Variants in PLXDC2 observed in about 807,000 individuals in gnomAD.
PLXDC2 encodes the protein plexin domain-containing protein 2.
A neutral mutation model predicts 68.9 loss-of-function variants in PLXDC2; 40 were observed. That is an observed-to-expected ratio of 0.58 (90% confidence interval 0.45 to 0.76). PLXDC2 has a LOEUF of 0.76. Ranked by LOEUF, PLXDC2 falls within the 30% of genes least tolerant of loss-of-function variation. The probability of loss-of-function intolerance (pLI) is 0.00; values close to 1 mark genes in which losing one functional copy is unlikely to be tolerated. For synonymous variants in PLXDC2, 243 were observed against 234.2 expected (o/e 1.04, Z -0.34); for missense variants, 644 against 661.9 (o/e 0.97, Z 0.30).
At chr10:20,202,234 G>C (rs1048063897) in intron 9 of PLXDC2, among the ~76,000 whole-genome samples, 1 of 152,050 alleles carries the variant, frequency 6.6e-6, no homozygotes, top group African/African-American at 2.4e-5. Flanking sequence ...GCTTCAATAC[G>C]TACACACAGA....
At chr10:20,167,843 A>G (rs1834395046) in intron 7 of PLXDC2, among the ~76,000 whole-genome samples, 1 of 152,184 alleles carries the variant, frequency 6.6e-6, no homozygotes, top group Non-Finnish European at 1.5e-5. Flanking sequence ...AAGATTTGGT[A>G]AAGCATTCAA....
intron 1 of PLXDC2, among the ~76,000 whole-genome samples, chr10:19,946,759 T>C (rs1378754828): frequency 5.3e-5 from 8 of 152,242 alleles, no homozygotes; most frequent in Admixed American, 5.2e-4. Flanking sequence ...CATCAGGCAT[T>C]AGATTCTCCT....
chr10:20,162,909 C>CCA (rs1834324385), intron 6 of PLXDC2, among the ~76,000 whole-genome samples: 1 of 98,058 alleles, frequency 1.0e-5, no homozygotes, highest in African/African-American at 4.1e-5. Context: ...ACTAAAAATA[C>CCA]AAAAAAAAAA....
rs116476038 is a variant in PLXDC2 at position 19,843,517 on chromosome 10, A to G, written c.112+26326A>G. On this transcript the variant is annotated intron_variant, in intron 1 of 13. Coordinates refer to ENST00000377252, the MANE Select transcript of PLXDC2 (RefSeq NM_032812.9). ...AGAGACAGAAAAATAAACATTAGAA[A>G]ATAAGAGAAGTGAGAAATGTACAGG... is the stretch of plus-strand genomic sequence containing the variant. 7.5e-3 allele frequency among the ~76,000 whole-genome samples: 1,146 copies of G among 152,302 alleles called. 10 individuals carry two copies. Among genetic ancestry groups the G allele is most frequent in the East Asian group, 0.04 (209 of 5,192 alleles).
intron 1 of PLXDC2, among the ~76,000 whole-genome samples, chr10:19,892,776 T>C (rs1444084627): frequency 6.6e-6 from 1 of 152,194 alleles, no homozygotes; most frequent in Non-Finnish European, 1.5e-5. Context: ...TGTTTTGATG[T>C]TCTCTGCTGG....
chr10:19,865,984 TCA>T (rs994696495), intron 1 of PLXDC2, among the ~76,000 whole-genome samples: 2 of 152,144 alleles, frequency 1.3e-5, no homozygotes, highest in Non-Finnish European at 1.5e-5. Context: ...CTTCACAAAT[TCA>T]CACTTTCCCC....
intron 4 of PLXDC2, among the ~76,000 whole-genome samples, chr10:20,103,157 C>T (rs1315506184): frequency 1.3e-5 from 2 of 152,028 alleles, no homozygotes; most frequent in Non-Finnish European, 2.9e-5. Flanking sequence ...TAAGGACCCA[C>T]AATACTTTTA....
intron 4 of PLXDC2, among the ~76,000 whole-genome samples, chr10:20,075,529 C>G (rs1836426856): frequency 6.6e-6 from 1 of 152,162 alleles, no homozygotes; most frequent in African/African-American, 2.4e-5. Context: ...TTCACAACCA[C>G]TTGTTTCTCC....
At chr10:19,903,862 G>C (rs1838200157) in intron 1 of PLXDC2, among the ~76,000 whole-genome samples, 1 of 151,906 alleles carries the variant, frequency 6.6e-6, no homozygotes, top group Non-Finnish European at 1.5e-5. Flanking sequence ...CTGTATCTCA[G>C]AGGTTTTGAT....
intron 1 of PLXDC2, among the ~76,000 whole-genome samples, chr10:19,942,112 A>G (rs529597454): frequency 2.0e-5 from 3 of 152,300 alleles, no homozygotes; most frequent in Middle Eastern, 3.4e-3. Flanking sequence ...TACAGTGACT[A>G]TTTTGTAAAG....
chr10:19,991,515 A>T (rs1834750917), intron 1 of PLXDC2, among the ~76,000 whole-genome samples: 1 of 152,194 alleles, frequency 6.6e-6, no homozygotes, highest in Admixed American at 6.5e-5. Flanking sequence ...GGAACTGGGT[A>T]AGTTGATGAT....
intron 7 of PLXDC2, among the ~76,000 whole-genome samples, chr10:20,169,412 TG>T (rs919518420): frequency 2.0e-5 from 3 of 152,226 alleles, no homozygotes; most frequent in South Asian, 2.1e-4. Context: ...CATATATTCA[TG>T]TGTTGTTTGT....
chr10:19,864,529 T>G lies in PLXDC2; in HGVS notation c.112+47338T>G, dbSNP rs556307402. ...CAAAAATGGAACAATTTAAATTTTT[T>G]TTATCAAAAATATTATCTTTCTGCT... On this transcript the variant is annotated intron_variant, in intron 1 of 13. Coordinates refer to ENST00000377252, the MANE Select transcript of PLXDC2 (RefSeq NM_032812.9). Among the ~76,000 whole-genome samples the G allele has an allele frequency of 4.6e-5, 7 of 152,336 alleles. No individual in the cohort carries two copies. In the South Asian group the frequency reaches 1.0e-3, roughly 23 times the overall value.
In PLXDC2 at chr10:20,082,608, AAAG is replaced by A. The variant is rs1836588439; in HGVS notation, c.541+14372_541+14374del. ...CGATATTTTCTATAAGGTATGGAGTAAAGAAACTCTCAAGCTTTGCTGATGACA... is the reference window on the plus strand; with the variant it reads ...CGATATTTTCTATAAGGTATGGAGTAAAACTCTCAAGCTTTGCTGATGACA... On this transcript the variant is annotated intron_variant, in intron 4 of 13. Coordinates refer to ENST00000377252, the MANE Select transcript of PLXDC2 (RefSeq NM_032812.9). Among the ~76,000 whole-genome samples the A allele has an allele frequency of 3.3e-5, 5 of 152,212 alleles. No individual in the cohort carries two copies. In the South Asian group the frequency reaches 8.3e-4, roughly 25 times the overall value.
chr10:20,069,816 G>C (rs1489442166), intron 4 of PLXDC2, among the ~76,000 whole-genome samples: 1 of 152,148 alleles, frequency 6.6e-6, no homozygotes, highest in African/African-American at 2.4e-5. Flanking sequence ...GGGCAACAGA[G>C]CAAGACCCTG....
At chr10:19,900,700 C>T (rs1838143749) in intron 1 of PLXDC2, among the ~76,000 whole-genome samples, 1 of 151,402 alleles carries the variant, frequency 6.6e-6, no homozygotes, top group Non-Finnish European at 1.5e-5. Context: ...TTTGGTGTAC[C>T]CATCACCCAA....
At chr10:19,855,450 G>A (rs1837194643) in intron 1 of PLXDC2, among the ~76,000 whole-genome samples, 1 of 152,048 alleles carries the variant, frequency 6.6e-6, no homozygotes, top group Admixed American at 6.6e-5. Flanking sequence ...CAATTTATTT[G>A]AACTGTCTAA....
chr10:20,197,776 A>G (rs1564350258), intron 9 of PLXDC2, among the ~76,000 whole-genome samples: 1 of 152,170 alleles, frequency 6.6e-6, no homozygotes, highest in East Asian at 1.9e-4. Flanking sequence ...CTCCCCGCTC[A>G]GCCTCCCAAG....
chr10:20,261,655 G>C (rs1218742797), intron 13 of PLXDC2, among the ~76,000 whole-genome samples: 1 of 152,110 alleles, frequency 6.6e-6, no homozygotes, highest in East Asian at 1.9e-4. Flanking sequence ...GGGAGTTTGA[G>C]ACCAGCCTAA....
Sources: gnomAD v4.1 joint callset for allele counts (sites outside exome capture counted in the v4.1 genomes callset) on GRCh38, gnomAD v4.1.1 for gene constraint, MANE v1.5 for transcripts, NCBI Gene and HGNC (gene_info 2026-07-23, HGNC 2026-07-21) for gene names.